The following TLK2 variants were observed in gnomAD, a reference collection of about 807,000 sequenced individuals.
TLK2 encodes tousled like kinase 2, also known as serine/threonine-protein kinase tousled-like 2.
TLK2 carries 6 observed loss-of-function variants against 117.3 expected under a neutral mutation model. That is an observed-to-expected ratio of 0.05 (90% CI 0.03 to 0.10). TLK2 has a LOEUF of 0.10. Among genes scored for constraint, TLK2 ranks in the 10% least tolerant of loss-of-function variants. TLK2 has a pLI of 1.00. For missense variants in TLK2, 299 were observed against 901.2 expected (o/e 0.33, Z 8.56); for synonymous variants, 257 against 316.7 (o/e 0.81, Z 2.00).
At chr17:62,524,686 A>AT (rs2076257835) in intron 6 of TLK2, among the ~76,000 whole-genome samples, 1 of 152,144 alleles carries the variant, frequency 6.6e-6, no homozygotes. Context: ...TTCTGGCATA[A>AT]TTGAGTTATC....
chr17:62,480,053 T>G (rs2071441693), intron 1 of TLK2, among the ~76,000 whole-genome samples: 1 of 152,270 alleles, frequency 6.6e-6, no homozygotes, highest in Non-Finnish European at 1.5e-5. Flanking sequence ...AACTTTAATT[T>G]GTCACCTTTT....
At chr17:62,503,248 C>T (rs563833194) in intron 2 of TLK2, among the ~76,000 whole-genome samples, 176 of 151,644 alleles carry the variant, frequency 1.2e-3, no homozygotes, top group African/African-American at 4.0e-3. Context: ...TTAGTAGAGA[C>T]GGGGTTTCAC....
rs1431849257 is a variant in TLK2 at position 62,600,733 on chromosome 17, G to A, written c.1633G>A (p.Ala545Thr). Reference protein sequence around the residue: ...KQHKLMSEKEARSIIMQIVNA... With the variant: ...KQHKLMSEKETRSIIMQIVNA... ...GCACAAATTAATGTCGGAGAAAGAG[G>A]CCCGGTCCATTATCATGCAGATTGT... The change falls in exon 18 of 22, where the codon GCC (alanine) becomes ACC (threonine). Residue 545 changes from alanine (A) to threonine (T), a missense_variant. Physicochemically the swap from Ala to Thr is moderately conservative, Grantham distance 58. This residue lies in a region of TLK2 where 81 missense variants were observed against 370.9 expected (regional missense o/e 0.22). Coordinates refer to ENST00000346027, the MANE Select transcript of TLK2 (RefSeq NM_006852.6). 1.5e-5 allele frequency: 24 copies of A among 1,613,216 alleles called. No homozygotes were observed. The highest frequency in any genetic ancestry group is 2.0e-5 in the Non-Finnish European group (24 of 1,179,816).
intron 2 of TLK2, among the ~76,000 whole-genome samples, chr17:62,500,262 G>A (rs1216766519): frequency 3.3e-5 from 5 of 151,628 alleles, no homozygotes; most frequent in Admixed American, 1.3e-4. Context: ...TAAAAGAATG[G>A]AAAAAGATAC....
intron 2 of TLK2, among the ~76,000 whole-genome samples, chr17:62,489,982 C>G (rs922253834): frequency 1.3e-5 from 2 of 152,166 alleles, no homozygotes; most frequent in Admixed American, 1.3e-4. Context: ...AGGCGCCCAC[C>G]ACCACGCCTG....
chr17:62,485,362 G>A (rs1939898958), intron 2 of TLK2, among the ~76,000 whole-genome samples: 1 of 152,072 alleles, frequency 6.6e-6, no homozygotes, highest in South Asian at 2.1e-4. Flanking sequence ...TATAACTTTC[G>A]AGTTTTTTCC....
intron 7 of TLK2, among the ~76,000 whole-genome samples, chr17:62,538,401 G>A (rs1365563118): frequency 6.6e-6 from 1 of 152,100 alleles, no homozygotes; most frequent in Non-Finnish European, 1.5e-5. Flanking sequence ...GGAGTTATTT[G>A]TCTTTTGGTC....
At chr17:62,579,100 C>G (rs2081029245) in intron 14 of TLK2, among the ~76,000 whole-genome samples, 1 of 152,166 alleles carries the variant, frequency 6.6e-6, no homozygotes, top group Admixed American at 6.5e-5. Context: ...TATAAGTAAT[C>G]TGTTTTTTCC....
intron 13 of TLK2, 100 bp downstream of exon 13, chr17:62,576,875 A>G: frequency 2.4e-6 from 2 of 839,244 alleles, no homozygotes; most frequent in South Asian, 1.5e-5. Flanking sequence ...TAGTAGCTGC[A>G]CATAGCAGCA....
chr17:62,530,881 G>T (rs547964718), intron 6 of TLK2, among the ~76,000 whole-genome samples: 10 of 152,138 alleles, frequency 6.6e-5, no homozygotes, highest in Middle Eastern at 3.4e-3. Flanking sequence ...TATATTTTTA[G>T]GTTCGCTTTC....
Position 62,612,432 on chromosome 17 carries a change from G to A in TLK2, c.2120G>A (p.Arg707His). 6.2e-7 allele frequency: 1 copy of A among 1,614,104 alleles called. No homozygotes were observed. The highest frequency in any genetic ancestry group is 8.5e-7 in the Non-Finnish European group (1 of 1,179,980). ...TGCTTGGCCTACCGAAAGGAGGACC[G>A]CATTGATGTCCAGCAGCTGGCCTGT... ...RRCLAYRKED[R>H]IDVQQLACDP... is the part of the protein sequence containing the mutation. The change falls in exon 22 of 22, where the codon CGC (arginine) becomes CAC (histidine). Residue 707 changes from arginine to histidine, a missense_variant. Arg to His is a conservative substitution (Grantham distance 29). Around this residue, in one of 4 missense-constraint regions of TLK2, gnomAD observed 81 missense variants for 370.9 expected, o/e 0.22. Coordinates refer to ENST00000346027, the MANE Select transcript of TLK2 (RefSeq NM_006852.6).
chr17:62,593,652 C>T (rs1031736989), intron 16 of TLK2, among the ~76,000 whole-genome samples: 60 of 152,034 alleles, frequency 3.9e-4, no homozygotes, highest in African/African-American at 1.4e-3. Flanking sequence ...ACTGGAAGCT[C>T]TTCAGGGCCA....
chr17:62,575,057 ATTAT>A (rs1192424059), intron 12 of TLK2, among the ~76,000 whole-genome samples: 2 of 152,176 alleles, frequency 1.3e-5, no homozygotes, highest in Non-Finnish European at 2.9e-5. Context: ...TTATTTGAAA[ATTAT>A]TTAATGCTAA....
chr17:62,481,741 C>T (rs1247562840), intron 2 of TLK2, among the ~76,000 whole-genome samples: 4 of 152,072 alleles, frequency 2.6e-5, no homozygotes, highest in Non-Finnish European at 5.9e-5. Context: ...TTAACGGGCA[C>T]GTATGAAGTT....
chr17:62,553,886 T>A (rs2078657353), intron 9 of TLK2, 131 bp downstream of exon 9: 2 of 620,166 alleles, frequency 3.2e-6, no homozygotes, highest in Non-Finnish European at 5.6e-6. Context: ...GTATTTTTCT[T>A]TAATTGAGGG....
chr17:62,516,228 CCT>C, intron 2 of TLK2: 1 of 759,726 alleles, frequency 1.3e-6, no homozygotes, highest in Non-Finnish European at 2.2e-6. Flanking sequence ...CCCGGCTCTC[CCT>C]GTTTTCTTCT....
chr17:62,530,546 A>G (rs2145727089), intron 6 of TLK2, among the ~76,000 whole-genome samples: 1 of 152,290 alleles, frequency 6.6e-6, no homozygotes, highest in South Asian at 2.1e-4. Context: ...ATCCTCTACC[A>G]AATAAAATAA....
intron 9 of TLK2, among the ~76,000 whole-genome samples, chr17:62,559,372 T>A (rs973934266): frequency 2.0e-5 from 3 of 151,820 alleles, no homozygotes; most frequent in East Asian, 3.9e-4. Flanking sequence ...AGTTTATTTT[T>A]TTTTTATTTT....
chr17:62,596,846 C>G (rs1298745106), intron 17 of TLK2, among the ~76,000 whole-genome samples, 172 bp downstream of exon 17: 1 of 152,166 alleles, frequency 6.6e-6, no homozygotes, highest in Non-Finnish European at 1.5e-5. Flanking sequence ...AACCTCTAGG[C>G]CAAAGGACAT....
Sources: gnomAD v4.1 joint callset for allele counts (sites outside exome capture counted in the v4.1 genomes callset) on GRCh38, gnomAD v4.1.1 for gene constraint, gnomAD v4.1.1 regional missense constraint, MANE v1.5 for transcripts, NCBI Gene and HGNC (gene_info 2026-07-23, HGNC 2026-07-21) for gene names.